Variants in KCNIP4 observed in about 807,000 individuals in gnomAD.
The protein encoded by KCNIP4 is potassium voltage-gated channel interacting protein 4.
Under a neutral mutation model 34.0 loss-of-function variants are expected in KCNIP4, and 12 were observed. The observed-to-expected ratio is 0.35, with a 90% CI of 0.23 to 0.57. The LOEUF is 0.57. KCNIP4 is among the 20% of genes least tolerant of loss of function. KCNIP4 has a pLI of 0.83. For synonymous variants in KCNIP4, 124 were observed against 102.2 expected (o/e 1.21, Z -1.29); for missense variants, 238 against 311.7 (o/e 0.76, Z 1.78).
At chr4:21,309,927 C>T (rs891781796) in intron 1 of KCNIP4, among the ~76,000 whole-genome samples, 1 of 152,102 alleles carries the variant, frequency 6.6e-6, no homozygotes, top group Non-Finnish European at 1.5e-5. Context: ...TTATAGAGAT[C>T]ACGTTGTGCT....
rs546256444 is a variant in KCNIP4, at chr4:20,992,377, A to C, written c.62-109668T>G. On this transcript the variant is annotated intron_variant, in intron 1 of 8. Coordinates refer to ENST00000382152, the MANE Select transcript of KCNIP4 (RefSeq NM_025221.6). ...TCATGAGAACAGCATGGGGGAAACC[A>C]CTTCTATGATCCAATTACCTCCACC... Among the ~76,000 whole-genome samples, 8 of 152,234 alleles carry C rather than the reference A, an allele frequency of 5.3e-5. No homozygotes were observed. In the East Asian group the frequency reaches 1.5e-3, roughly 29 times the overall value.
At chr4:21,208,472 G>T (rs867675994) in intron 1 of KCNIP4, among the ~76,000 whole-genome samples, 4 of 152,118 alleles carry the variant, frequency 2.6e-5, no homozygotes, top group Non-Finnish European at 5.9e-5. Context: ...TCTAAGTTTG[G>T]TATCAAATCA....
intron 1 of KCNIP4, among the ~76,000 whole-genome samples, chr4:21,543,362 G>T (rs1396837916): frequency 2.6e-5 from 4 of 151,800 alleles, no homozygotes; most frequent in African/African-American, 9.7e-5. Flanking sequence ...TTTCAAAATT[G>T]ATCATTCCTA....
chr4:21,291,931 G>GAAAA lies in KCNIP4; in HGVS notation c.62-409223_62-409222insTTTT, dbSNP rs1763540556. ...AGAAAGAAAGAAAGAAAGAAAGAAA[G>GAAAA]AAAGAAAAAAAAAGAAAAAAGTCTG... On this transcript the variant is annotated intron_variant, in intron 1 of 8. Transcript: ENST00000382152. Among the ~76,000 whole-genome samples the GAAAA allele has an allele frequency of 5.9e-5, 4 of 67,290 alleles. No individual in the cohort carries two copies. The East Asian group carries it at 1.1e-3, about 18-fold the overall frequency. The allele number at this position is 67,290 out of a possible 152,430, so 44.1% of individuals were successfully genotyped here. A position where few individuals can be genotyped will look rare whatever the true frequency, so the allele number is the denominator to read the frequency against.
intron 1 of KCNIP4, among the ~76,000 whole-genome samples, chr4:21,938,190 T>A (rs918585913): frequency 2.0e-5 from 3 of 152,140 alleles, no homozygotes; most frequent in African/African-American, 4.8e-5. Flanking sequence ...TCCTATCTAG[T>A]CTAAGTAGCT....
At chr4:21,918,938 G>T (rs983903913) in intron 1 of KCNIP4, among the ~76,000 whole-genome samples, 1 of 152,184 alleles carries the variant, frequency 6.6e-6, no homozygotes, top group Non-Finnish European at 1.5e-5. Flanking sequence ...TATCTGGGTA[G>T]ACCTGTGAAG....
intron 1 of KCNIP4, among the ~76,000 whole-genome samples, chr4:21,304,181 G>A (rs1311074872): frequency 6.6e-6 from 1 of 152,158 alleles, no homozygotes; most frequent in African/African-American, 2.4e-5. Flanking sequence ...GAGAAAAAGG[G>A]CGTGAGTGAC....
At chr4:21,829,297 C>A (rs748711242) in intron 1 of KCNIP4, among the ~76,000 whole-genome samples, 5 of 151,880 alleles carry the variant, frequency 3.3e-5, no homozygotes, top group African/African-American at 4.8e-5. Context: ...ATGTCAGAAA[C>A]CATCTGTAGA....
intron 1 of KCNIP4, among the ~76,000 whole-genome samples, chr4:20,962,572 A>G (rs2149662233): frequency 6.6e-6 from 1 of 152,318 alleles, no homozygotes; most frequent in East Asian, 1.9e-4. Context: ...TCACAGTACT[A>G]ACATTGGGCA....
intron 1 of KCNIP4, among the ~76,000 whole-genome samples, chr4:21,191,527 C>G (rs1755647360): frequency 6.6e-6 from 1 of 152,150 alleles, no homozygotes; most frequent in Admixed American, 6.5e-5. Context: ...ATGATGCGCC[C>G]TAGTGCTGAA....
At chr4:21,857,290 G>A (rs948721018) in intron 1 of KCNIP4, among the ~76,000 whole-genome samples, 1 of 152,086 alleles carries the variant, frequency 6.6e-6, no homozygotes, top group African/African-American at 2.4e-5. Context: ...CTACCCCCAG[G>A]GTCTCCTCTC....
At chr4:20,923,304 C>CA (rs979496669) in intron 1 of KCNIP4, among the ~76,000 whole-genome samples, 19 of 152,172 alleles carry the variant, frequency 1.2e-4, no homozygotes, top group African/African-American at 4.6e-4. Flanking sequence ...ATATTTGAAA[C>CA]AAATTTAAAA....
chr4:20,844,818 G>A (rs548848099), intron 3 of KCNIP4, among the ~76,000 whole-genome samples: 1 of 152,210 alleles, frequency 6.6e-6, no homozygotes, highest in Admixed American at 6.5e-5. Context: ...TTTGAATGGG[G>A]TGGAAAAGCC....
intron 1 of KCNIP4, among the ~76,000 whole-genome samples, chr4:21,605,936 A>G (rs1037890965): frequency 1.3e-5 from 2 of 152,164 alleles, no homozygotes; most frequent in Non-Finnish European, 2.9e-5. Context: ...CAGACAGAAA[A>G]AAACCATCCT....
At chr4:21,058,468 A>AG in intron 1 of KCNIP4, among the ~76,000 whole-genome samples, 1 of 152,212 alleles carries the variant, frequency 6.6e-6, no homozygotes, top group East Asian at 1.9e-4. Context: ...TGCCTCAGTG[A>AG]GTATTACTTG....
intron 1 of KCNIP4, among the ~76,000 whole-genome samples, chr4:21,125,375 C>T (rs1577736065): frequency 6.6e-6 from 1 of 151,690 alleles, no homozygotes. Context: ...CGCCACCATG[C>T]CCAGTTAATT....
intron 1 of KCNIP4, among the ~76,000 whole-genome samples, chr4:21,127,904 T>A (rs1750750584): frequency 1.3e-5 from 2 of 152,248 alleles, no homozygotes; most frequent in Non-Finnish European, 2.9e-5. Flanking sequence ...GTCCAGGCTT[T>A]GGAGCCAAAA....
intron 1 of KCNIP4, among the ~76,000 whole-genome samples, chr4:21,326,479 T>G (rs1444875254): frequency 6.6e-6 from 1 of 151,404 alleles, no homozygotes. Flanking sequence ...TTTTTTTCAG[T>G]CTATATGTAT....
At chr4:21,120,128 T>C (rs1166637681) in intron 1 of KCNIP4, among the ~76,000 whole-genome samples, 1 of 152,132 alleles carries the variant, frequency 6.6e-6, no homozygotes, top group African/African-American at 2.4e-5. Flanking sequence ...TTTCTAGACA[T>C]CGGGAAATCT....
Sources: gnomAD v4.1 joint callset for allele counts (sites outside exome capture counted in the v4.1 genomes callset) on GRCh38, gnomAD v4.1.1 for gene constraint, MANE v1.5 for transcripts, NCBI Gene and HGNC (gene_info 2026-07-23, HGNC 2026-07-21) for gene names.